The following NPAS3 variants were observed in gnomAD, a reference collection of about 807,000 sequenced individuals.
The protein encoded by NPAS3 is neuronal PAS domain protein 3.
A neutral mutation model predicts 73.1 loss-of-function variants in NPAS3; 14 were observed. That is an observed-to-expected ratio of 0.19 (90% confidence interval 0.13 to 0.30). The LOEUF (loss-of-function observed/expected upper bound fraction) is 0.30. Ranked by LOEUF, NPAS3 falls within the 10% of genes least tolerant of loss-of-function variation. The pLI is 1.00. For synonymous variants in NPAS3, 620 were observed against 541.5 expected (o/e 1.14, Z -2.01); for missense variants, 1,096 against 1,250.0 (o/e 0.88, Z 1.86).
intron 5 of NPAS3, among the ~76,000 whole-genome samples, chr14:33,580,643 T>C (rs1164241876): frequency 6.6e-6 from 1 of 152,106 alleles, no homozygotes; most frequent in Non-Finnish European, 1.5e-5. Flanking sequence ...GAGGAAATAA[T>C]CTTTACGACT....
intron 4 of NPAS3, among the ~76,000 whole-genome samples, chr14:33,524,349 T>TC (rs2053695571): frequency 6.6e-6 from 1 of 152,110 alleles, no homozygotes; most frequent in South Asian, 2.1e-4. Flanking sequence ...CACCACCCTA[T>TC]CCCAGCACCT....
chr14:33,575,118 T>C (rs987081543), intron 5 of NPAS3, among the ~76,000 whole-genome samples: 3 of 152,108 alleles, frequency 2.0e-5, no homozygotes, highest in Admixed American at 6.5e-5. Context: ...ACAAAAATCC[T>C]AGGAAATTCT....
chr14:33,293,876 T>C (rs2042192493), intron 3 of NPAS3, among the ~76,000 whole-genome samples: 1 of 152,216 alleles, frequency 6.6e-6, no homozygotes, highest in African/African-American at 2.4e-5. Context: ...CATTTGTCAG[T>C]AATTGGATGG....
rs576004924 is a variant in NPAS3 at position 33,135,833 on chromosome 14, C to T, written c.141-79349C>T. On this transcript the variant is annotated intron_variant, in intron 2 of 11. Transcript: ENST00000356141. ...CAGCCAGTTCCAGCAGCCAATGCTCCGTTGAAAAGAAATGATTGGTAGTCC... is the reference window on the plus strand; with the variant it reads ...CAGCCAGTTCCAGCAGCCAATGCTCTGTTGAAAAGAAATGATTGGTAGTCC... Among the ~76,000 whole-genome samples, 3 of 152,178 alleles carry T rather than the reference C, an allele frequency of 2.0e-5. No homozygotes were observed. The South Asian group carries it at 6.2e-4, about 32-fold the overall frequency.
chr14:33,283,394 GTATTTGGGTTATCCTTCTTTCTTTAAC>G (rs1372998310), intron 3 of NPAS3, among the ~76,000 whole-genome samples: 5 of 152,202 alleles, frequency 3.3e-5, no homozygotes, highest in Non-Finnish European at 7.3e-5. Flanking sequence ...CAGTCTTCAA[GTATTTGGGTTATCCTTCTTTCTTTAAC>G]TTGATTGAGG....
At chr14:33,199,759 A>C (rs1450030701) in intron 2 of NPAS3, among the ~76,000 whole-genome samples, 7 of 122,526 alleles carry the variant, frequency 5.7e-5, no homozygotes, top group Admixed American at 1.2e-4. Context: ...CCCTCCTTTC[A>C]CTATAATACC....
chr14:33,664,954 C>T (rs2059411724), intron 5 of NPAS3, among the ~76,000 whole-genome samples: 1 of 152,184 alleles, frequency 6.6e-6, no homozygotes, highest in Non-Finnish European at 1.5e-5. Flanking sequence ...TGTGGCGATT[C>T]CTCAAGGATC....
rs541554083 is a variant in NPAS3 at position 33,497,067 on chromosome 14, G to A, written c.469-63054G>A. On this transcript the variant is annotated intron_variant, in intron 4 of 11. Coordinates refer to ENST00000356141, the Ensembl canonical transcript of NPAS3. ...TATTCACCAATAACAGACAAACAGA[G>A]AGCCAAATCATGAGTGAACTCCCAT... Among the ~76,000 whole-genome samples the A allele has an allele frequency of 2.2e-4, 33 of 152,182 alleles. No homozygotes were observed. In the East Asian group the frequency reaches 5.8e-3, roughly 27 times the overall value.
At chr14:33,466,582 A>C (rs1281344055) in intron 4 of NPAS3, among the ~76,000 whole-genome samples, 2 of 152,164 alleles carry the variant, frequency 1.3e-5, no homozygotes, top group African/African-American at 2.4e-5. Flanking sequence ...AGTAATTTAT[A>C]AAGAGAATAG....
intron 2 of NPAS3, among the ~76,000 whole-genome samples, chr14:33,082,981 G>C (rs1394722544): frequency 1.3e-5 from 2 of 151,914 alleles, no homozygotes; most frequent in African/African-American, 4.8e-5. Context: ...AGAAGTTCAA[G>C]ACCAGCCTGG....
intron 3 of NPAS3, among the ~76,000 whole-genome samples, chr14:33,363,298 G>A (rs892209615): frequency 7.9e-5 from 12 of 152,296 alleles, no homozygotes; most frequent in South Asian, 2.1e-4. Context: ...AGAGACCACC[G>A]TGTGAGGTTA....
intron 2 of NPAS3, among the ~76,000 whole-genome samples, chr14:33,081,699 A>T (rs1416574304): frequency 6.6e-6 from 1 of 152,210 alleles, no homozygotes; most frequent in African/African-American, 2.4e-5. Context: ...AGGATCAGTG[A>T]ACTGATGCAA....
chr14:33,533,079 G>A (rs150349861), intron 4 of NPAS3, among the ~76,000 whole-genome samples: 73 of 152,134 alleles, frequency 4.8e-4, no homozygotes, highest in African/African-American at 1.7e-3. Context: ...GGAAATAATA[G>A]AAGAGAACCT....
chr14:33,485,506 C>T (rs1034454075), intron 4 of NPAS3, among the ~76,000 whole-genome samples: 1 of 152,128 alleles, frequency 6.6e-6, no homozygotes, highest in African/African-American at 2.4e-5. Flanking sequence ...TAGATAATCT[C>T]AGCAAAATGC....
At chr14:33,558,424 A>AATTTTTGT (rs1434068688) in intron 4 of NPAS3, among the ~76,000 whole-genome samples, 1 of 151,908 alleles carries the variant, frequency 6.6e-6, no homozygotes, top group African/African-American at 2.4e-5. Context: ...ACACCCAGCT[A>AATTTTTGT]ATTTTTGTAT....
intron 4 of NPAS3, among the ~76,000 whole-genome samples, chr14:33,510,512 A>G (rs1326396828): frequency 6.6e-6 from 1 of 152,062 alleles, no homozygotes; most frequent in Non-Finnish European, 1.5e-5. Context: ...AAAAGGACAT[A>G]CAATTCCTCA....
chr14:33,287,623 T>G (rs1459053392), intron 3 of NPAS3, among the ~76,000 whole-genome samples: 1 of 152,222 alleles, frequency 6.6e-6, no homozygotes, highest in African/African-American at 2.4e-5. Flanking sequence ...CCTCTCCTAC[T>G]ACTTAGTGCA....
At position 33,605,997 on chromosome 14, in the gene NPAS3, G is replaced by A. The variant is rs1464053543; in HGVS notation, c.558+45787G>A. Among the ~76,000 whole-genome samples the A allele has an allele frequency of 2.6e-5, 4 of 152,146 alleles. No homozygotes were observed. The East Asian group carries it at 5.8e-4, about 22-fold the overall frequency. On this transcript the variant is annotated intron_variant, in intron 5 of 11. Coordinates refer to ENST00000356141, the Ensembl canonical transcript of NPAS3. Reference sequence around the variant, plus strand: ...TTAAAAATCCACAGTAATCAAGACAGCGTGATATTGGCATAATATTTGACA... The same window carrying A: ...TTAAAAATCCACAGTAATCAAGACAACGTGATATTGGCATAATATTTGACA...
At position 32,976,039 on chromosome 14, in the gene NPAS3, G is replaced by A. The variant is rs2037661511; in HGVS notation, c.50+36673G>A. On this transcript the variant is annotated intron_variant, in intron 1 of 11. Transcript: ENST00000356141. Reference sequence around the variant, plus strand: ...TCCTTGTGATTGTTATACATCAGTGGCTTTTAAACATGAGTGTGTGTGAAA... The same window carrying A: ...TCCTTGTGATTGTTATACATCAGTGACTTTTAAACATGAGTGTGTGTGAAA... Among the ~76,000 whole-genome samples the A allele has an allele frequency of 2.0e-5, 3 of 152,226 alleles. No individual in the cohort carries two copies. The South Asian group carries it at 6.2e-4, about 32-fold the overall frequency.
Sources: gnomAD v4.1 joint callset for allele counts (sites outside exome capture counted in the v4.1 genomes callset) on GRCh38, gnomAD v4.1.1 for gene constraint, MANE v1.5 for transcripts, NCBI Gene and HGNC (gene_info 2026-07-23, HGNC 2026-07-21) for gene names.